The following PMM2 variants were observed in gnomAD, a reference collection of about 807,000 sequenced individuals.
PMM2 encodes the protein mannose-6-phosphate isomerase.
In PMM2, 35 loss-of-function variants were observed where a neutral mutation model predicts 33.2. That is an observed-to-expected ratio of 1.06 (90% CI 0.81 to 1.40). PMM2 has a LOEUF of 1.40. PMM2 is among the 40% of genes most tolerant of loss of function. The pLI is 0.00. For missense variants in PMM2, 386 were observed against 306.0 expected, an observed-to-expected ratio of 1.26 and a Z score of -1.95; for synonymous variants, 153 against 114.7, an observed-to-expected ratio of 1.33 and a Z score of -2.13.
intron 7 of PMM2, chr16:8,832,636 G>A (rs2060817451): frequency 1.0e-6 from 1 of 985,438 alleles, no homozygotes; most frequent in Non-Finnish European, 1.2e-6. Flanking sequence ...GGCTGCAGGA[G>A]CCTCCTAACT....
chr16:8,800,841 G>C (rs545960114), intron 1 of PMM2, among the ~76,000 whole-genome samples: 1 of 152,134 alleles, frequency 6.6e-6, no homozygotes, highest in South Asian at 2.1e-4. Context: ...CCACCAGCGC[G>C]CCCGCCTAAT....
intron 7 of PMM2, among the ~76,000 whole-genome samples, chr16:8,827,858 T>A (rs868180092): frequency 5.6e-4 from 52 of 92,524 alleles, no homozygotes; most frequent in Non-Finnish European, 8.9e-4. Flanking sequence ...AATATATATG[T>A]TATATATTAT....
intron 7 of PMM2, among the ~76,000 whole-genome samples, chr16:8,818,352 C>T (rs1156257474): frequency 6.6e-6 from 1 of 152,238 alleles, no homozygotes; most frequent in African/African-American, 2.4e-5. Context: ...GCCCCCATCC[C>T]TGATCCTTTT....
At chr16:8,832,783 GC>G (rs2060818548) in intron 7 of PMM2, 6 of 985,332 alleles carry the variant, frequency 6.1e-6, no homozygotes, top group Non-Finnish European at 6.0e-6. Flanking sequence ...AATCTGTGAG[GC>G]CCGCTGTGGC....
rs1233643565 is a variant in PMM2 at position 8,845,858 on chromosome 16, C to CT, written c.640-1863dup. ...CTAGCTTGGCACTGTTGGACACAGT[C>CT]TTTGTCTCAGCTACTCGAGAGGCTG... is the stretch of plus-strand genomic sequence containing the variant. On this transcript the variant is annotated intron_variant, in intron 7 of 7. Transcript: ENST00000268261. Among the ~76,000 whole-genome samples the CT allele has an allele frequency of 2.7e-5, 4 of 149,002 alleles. No individual in the cohort carries two copies. The Admixed American group carries it at 2.7e-4, about 10-fold the overall frequency.
intron 7 of PMM2, among the ~76,000 whole-genome samples, chr16:8,827,903 ATATT>A (rs1419511939): frequency 5.2e-5 from 6 of 114,538 alleles, no homozygotes; most frequent in African/African-American, 1.6e-4. Flanking sequence ...TATATGATAT[ATATT>A]ATATATATTA....
intron 7 of PMM2, 25 bp downstream of exon 7, chr16:8,813,131 C>G: frequency 1.4e-6 from 2 of 1,400,284 alleles, no homozygotes; most frequent in Non-Finnish European, 2.0e-6. Context: ...GTTTGTGCAC[C>G]TTCATTGTTG....
At position 8,811,161 on chromosome 16, in the gene PMM2, T is replaced by G; in HGVS notation, c.430T>G (p.Phe144Val). 16 of 1,566,774 alleles carry G rather than the reference T, an allele frequency of 1.0e-5. No homozygotes were observed. Among genetic ancestry groups the G allele is most frequent in the Non-Finnish European group, 1.4e-5 (16 of 1,150,626 alleles). ...CTGCAGCCAAGAAGAACGCATTGAG[T>G]TCTACGAACTCGATAAAGTACGTCT... ...RSCSQEERIEFYELDKKENIR... is the reference protein window; with the variant it reads ...RSCSQEERIEVYELDKKENIR... Residue 144 changes from phenylalanine (F) to valine (V), a missense_variant, in exon 5 of 8, where the codon TTC becomes GTC. By Grantham distance (50) the Phe-to-Val change is conservative. Transcript: ENST00000268261.
rs1409011094 is a variant in PMM2 at position 8,832,270 on chromosome 16, TCCTGCGAG to T, written c.640-15451_640-15444del. 8 of 985,262 alleles carry T rather than the reference TCCTGCGAG, an allele frequency of 8.1e-6. No homozygotes were observed. The African/African-American group carries it at 1.4e-4, about 17-fold the overall frequency. The allele number at this position is 985,262 out of a possible 1,614,324, so 61.0% of individuals were successfully genotyped here. A position where few individuals can be genotyped will look rare whatever the true frequency, so the allele number is the denominator to read the frequency against. On this transcript the variant is annotated intron_variant, in intron 7 of 7. Coordinates refer to ENST00000268261, the MANE Select transcript of PMM2 (RefSeq NM_000303.3). ...CAGGTTGTGTTTGTGATGCAGATGC[TCCTGCGAG>T]CCGTGCGGCTCTCTGAAAGCGGGTG...
intron 7 of PMM2, among the ~76,000 whole-genome samples, chr16:8,816,583 A>G (rs1441384097): frequency 1.3e-5 from 2 of 151,768 alleles, no homozygotes; most frequent in Non-Finnish European, 2.9e-5. Flanking sequence ...CTCTACTAAA[A>G]ATACAAAATT....
chr16:8,816,092 A>C (rs1217841635), intron 7 of PMM2, among the ~76,000 whole-genome samples: 4 of 152,174 alleles, frequency 2.6e-5, no homozygotes, highest in African/African-American at 4.8e-5. Flanking sequence ...TCAAAACTAC[A>C]ATGAGATAAA....
chr16:8,847,687 G>C, intron 7 of PMM2, 37 bp from the exon 8 acceptor site: 1 of 1,495,716 alleles, frequency 6.7e-7, no homozygotes, highest in Non-Finnish European at 9.3e-7. Flanking sequence ...CGGGACAGAC[G>C]AGGGGGAGCC....
At chr16:8,804,677 C>A in intron 2 of PMM2, 90 bp from the exon 3 acceptor site, 1 of 832,578 alleles carries the variant, frequency 1.2e-6, no homozygotes, top group Non-Finnish European at 2.1e-6. Context: ...TGGAGTTTAG[C>A]GGTTTTATTG....
At chr16:8,805,541 C>G (rs2060642610) in intron 3 of PMM2, among the ~76,000 whole-genome samples, 1 of 152,088 alleles carries the variant, frequency 6.6e-6, no homozygotes, top group Non-Finnish European at 1.5e-5. Flanking sequence ...CTATTAATAA[C>G]ATTTCTATGA....
intron 1 of PMM2, among the ~76,000 whole-genome samples, chr16:8,798,691 T>C (rs1191775723): frequency 6.6e-6 from 1 of 152,194 alleles, no homozygotes; most frequent in South Asian, 2.1e-4. Flanking sequence ...ATTTTGCTGC[T>C]ACAGGCACAG....
At chr16:8,838,637 G>T (rs1355753123) in intron 7 of PMM2, among the ~76,000 whole-genome samples, 1 of 151,966 alleles carries the variant, frequency 6.6e-6, no homozygotes, top group Non-Finnish European at 1.5e-5. Context: ...AGAATGATTG[G>T]TGATGGTCTG....
chr16:8,806,768 A>G lies in PMM2; in HGVS notation c.347+361A>G, dbSNP rs543163192. 2.3e-5 allele frequency: 7 copies of G among 311,008 alleles called. No homozygotes were observed. The East Asian group carries it at 5.4e-4, about 24-fold the overall frequency. 19.3% of individuals were successfully genotyped at this position (311,008 alleles called of 1,614,324 possible). A position where few individuals can be genotyped will look rare whatever the true frequency, so the allele number is the denominator to read the frequency against. ...ATGATGGCTTATCCACATGATGGAA[A>G]TTTATACAACCATTGAAGACCATAT... On this transcript the variant is annotated intron_variant, in intron 4 of 7. Transcript: ENST00000268261.
chr16:8,818,536 G>T (rs2060720166), intron 7 of PMM2, among the ~76,000 whole-genome samples: 1 of 152,168 alleles, frequency 6.6e-6, no homozygotes, highest in African/African-American at 2.4e-5. Context: ...AATGAAGTTT[G>T]ATGTTTTTGC....
chr16:8,816,474 C>T (rs1272040679), intron 7 of PMM2, among the ~76,000 whole-genome samples: 1 of 151,464 alleles, frequency 6.6e-6, no homozygotes, highest in East Asian at 2.0e-4. Flanking sequence ...GGTGCGGTGG[C>T]TCACACCTAT....
Sources: gnomAD v4.1 joint callset for allele counts (sites outside exome capture counted in the v4.1 genomes callset) on GRCh38, gnomAD v4.1.1 for gene constraint, MANE v1.5 for transcripts, NCBI Gene and HGNC (gene_info 2026-07-23, HGNC 2026-07-21) for gene names.